Variants in RHBDL2 observed in about 807,000 individuals in gnomAD.
The protein encoded by RHBDL2 is rhomboid like 2, also known as rhomboid-related protein 2.
Under a neutral mutation model 31.7 loss-of-function variants are expected in RHBDL2, and 26 were observed. The ratio of observed to expected loss-of-function variants is 0.82; its 90% CI spans 0.60 to 1.14. RHBDL2 has a LOEUF of 1.14. Ranked by LOEUF, RHBDL2 falls within the 50% of genes most tolerant of loss-of-function variation. The pLI, the probability that RHBDL2 is intolerant of heterozygous loss-of-function variation, is 0.00. For synonymous variants in RHBDL2, 123 were observed against 127.2 expected (o/e 0.97, Z 0.22); for missense variants, 336 against 364.4 (o/e 0.92, Z 0.63).
intron 1 of RHBDL2, chr1:38,926,068 G>A: frequency 8.0e-7 from 1 of 1,243,426 alleles, no homozygotes; most frequent in Non-Finnish European, 1.0e-6. Flanking sequence ...CTCCTGGTGG[G>A]CAGCAGGAAA....
chr1:38,886,278 T>A lies in RHBDL2; in HGVS notation c.*226A>T, dbSNP rs1313057926. Reference sequence around the variant, plus strand: ...CCCCAATCTCTAGTTTTTACTACCCTTCTTTTCTCTCTTCTTCTTCCCTTT... The same window carrying A: ...CCCCAATCTCTAGTTTTTACTACCCATCTTTTCTCTCTTCTTCTTCCCTTT... On this transcript the variant is annotated 3_prime_UTR_variant, in exon 8 of 8. Transcript: ENST00000372990. 1 of 309,352 alleles carries A rather than the reference T, an allele frequency of 3.2e-6. No individual in the cohort carries two copies. Among genetic ancestry groups the A allele is most frequent in the Non-Finnish European group, 5.9e-6 (1 of 170,042 alleles). 19.2% of individuals were successfully genotyped at this position (309,352 alleles called of 1,614,324 possible).
chr1:38,910,474 G>A (rs1327976220), intron 4 of RHBDL2, among the ~76,000 whole-genome samples: 1 of 152,156 alleles, frequency 6.6e-6, no homozygotes, highest in African/African-American at 2.4e-5. Context: ...ATGGATGGAT[G>A]GGAGTTCTAA....
Position 38,934,222 on chromosome 1 carries a change from C to T in RHBDL2, c.-126+7460G>A, listed in dbSNP as rs1643467583. ...AATTAGCCAGGCGTTATGGCGGGTG[C>T]CTGTAATCCCAGCTACTCAGGGGGC... is the stretch of plus-strand genomic sequence containing the variant. On this transcript the variant is annotated intron_variant, in intron 1 of 7. Transcript: ENST00000372990. Among the ~76,000 whole-genome samples the T allele has an allele frequency of 1.3e-5, 2 of 151,690 alleles. 1 individual carries two copies. Among genetic ancestry groups the T allele is most frequent in the South Asian group, 4.2e-4 (2 of 4,794 alleles).
At chr1:38,889,318 T>C (rs1642826891) in intron 6 of RHBDL2, among the ~76,000 whole-genome samples, 1 of 152,120 alleles carries the variant, frequency 6.6e-6, no homozygotes, top group Non-Finnish European at 1.5e-5. Context: ...GGTCTCCAAC[T>C]CTCGAACTCC....
chr1:38,935,150 G>A (rs1643482983), intron 1 of RHBDL2, among the ~76,000 whole-genome samples: 3 of 152,148 alleles, frequency 2.0e-5, no homozygotes, highest in South Asian at 2.1e-4. Flanking sequence ...TTCAGTTTAT[G>A]GAAAATGTCT....
chr1:38,907,745 G>A lies in RHBDL2; in HGVS notation c.508+3577C>T, dbSNP rs188933099. Among the ~76,000 whole-genome samples, 437 of 152,164 alleles carry A rather than the reference G, an allele frequency of 2.9e-3. 1 individual carries two copies. The highest frequency in any genetic ancestry group is 4.9e-3 in the Non-Finnish European group (331 of 67,996). ...ACCAAGTGAGACCCTGTCTCTAAAA[G>A]TGAACAAACAAATAAATGTAAAGCA... On this transcript the variant is annotated intron_variant, in intron 4 of 7. Transcript: ENST00000372990.
chr1:38,919,334 T>C lies in RHBDL2; in HGVS notation c.-122A>G. ...GGCGCAACGACTGCTTTCCAAGGCC[T>C]TTCCTGTATGTGAAGAGAAGACAGC... On this transcript the variant is annotated 5_prime_UTR_variant, in exon 2 of 8. Coordinates refer to ENST00000372990, the MANE Select transcript of RHBDL2 (RefSeq NM_017821.5). 6.3e-7 allele frequency: 1 copy of C among 1,591,430 alleles called. No individual in the cohort carries two copies. The highest frequency in any genetic ancestry group is 8.5e-7 in the Non-Finnish European group (1 of 1,172,032).
chr1:38,934,615 C>G (rs1229942053), intron 1 of RHBDL2, among the ~76,000 whole-genome samples: 2 of 140,834 alleles, frequency 1.4e-5, no homozygotes, highest in South Asian at 4.6e-4. Flanking sequence ...ATGCAGAGAT[C>G]GCGCCACTGC....
intron 1 of RHBDL2, among the ~76,000 whole-genome samples, chr1:38,936,313 T>C (rs1461857918): frequency 6.6e-6 from 1 of 152,090 alleles, no homozygotes; most frequent in African/African-American, 2.4e-5. Context: ...TTGTTGGTTT[T>C]TGGGGGTTTT....
rs199730833 is a variant in RHBDL2, at chr1:38,900,758, A to G, written c.509-4689T>C. 2.0e-5 allele frequency among the ~76,000 whole-genome samples: 3 copies of G among 152,046 alleles called. No homozygotes were observed. In the East Asian group the frequency reaches 5.8e-4, roughly 30 times the overall value. On this transcript the variant is annotated intron_variant, in intron 4 of 7. Transcript: ENST00000372990. ...ATAAGTAAATAAAAATAAAAAATAAAAAGCATTGGCCGGGCAAAGTGGCTC... is the reference window on the plus strand; with the variant it reads ...ATAAGTAAATAAAAATAAAAAATAAGAAGCATTGGCCGGGCAAAGTGGCTC...
chr1:38,907,683 TA>T (rs1570923848), intron 4 of RHBDL2, among the ~76,000 whole-genome samples: 2 of 152,298 alleles, frequency 1.3e-5, no homozygotes, highest in East Asian at 3.9e-4. Flanking sequence ...CAGGCTGCAG[TA>T]AGCTATGATT....
In RHBDL2 at chr1:38,887,991, C is replaced by A; in HGVS notation, c.704G>T (p.Arg235Met). 6.2e-7 allele frequency: 1 copy of A among 1,612,734 alleles called. No individual in the cohort carries two copies. The highest frequency in any genetic ancestry group is 1.1e-5 in the South Asian group (1 of 90,982). The change falls in exon 7 of 8, where the codon AGG becomes ATG. Residue 235 changes from arginine to methionine, a missense_variant. Coordinates refer to ENST00000372990, the MANE Select transcript of RHBDL2 (RefSeq NM_017821.5). ...VLDMGFALYR[R>M]FFVPEDGSPV... ...AGACCCATCTTCAGGAACAAAGAAC[C>A]TTCTATAGAGAGCAAATCCCATGTC...
intron 5 of RHBDL2, among the ~76,000 whole-genome samples, chr1:38,894,146 C>A (rs1397871392): frequency 6.6e-6 from 1 of 152,092 alleles, no homozygotes; most frequent in Admixed American, 6.6e-5. Context: ...ATAAATCAAA[C>A]AATAACACTG....
Position 38,891,260 on chromosome 1 carries a change from CAAAAAAAAAAA to C in RHBDL2, c.670+1893_670+1903del, listed in dbSNP as rs11445131. Among the ~76,000 whole-genome samples, 15 of 79,292 alleles carry C rather than the reference CAAAAAAAAAAA, an allele frequency of 1.9e-4. No individual in the cohort carries two copies. In the Admixed American group the frequency reaches 2.3e-3, roughly 12 times the overall value. The allele number at this position is 79,292 out of a possible 152,430, so 52.0% of individuals were successfully genotyped here. ...TGGGCAACAGAGCGAGACTCCGTCT[CAAAAAAAAAAA>C]AAAAAAAAAAGAAGAATATTTACAA... On this transcript the variant is annotated intron_variant, in intron 6 of 7. Transcript: ENST00000372990.
rs187113984 is a variant in RHBDL2, at chr1:38,914,164, C to T, written c.395+1398G>A. On this transcript the variant is annotated intron_variant, in intron 3 of 7. Coordinates refer to ENST00000372990, the MANE Select transcript of RHBDL2 (RefSeq NM_017821.5). The stretch of plus-strand genomic sequence containing the variant: ...ACTGTAGGCAAAACTAAATGGCGGG[C>T]ACTGCATCTCCTATTACCAGTATTA... Among the ~76,000 whole-genome samples the T allele has an allele frequency of 4.1e-3, 630 of 151,856 alleles. 3 individuals carry two copies. The highest frequency in any genetic ancestry group is 6.2e-3 in the Non-Finnish European group (423 of 67,930).
At chr1:38,888,669 T>C (rs757906743) in intron 6 of RHBDL2, among the ~76,000 whole-genome samples, 1 of 152,022 alleles carries the variant, frequency 6.6e-6, no homozygotes, top group Non-Finnish European at 1.5e-5. Context: ...GGATCAGTAG[T>C]TTTCAAAGTG....
intron 1 of RHBDL2, among the ~76,000 whole-genome samples, chr1:38,921,516 T>C (rs2124342102): frequency 6.6e-6 from 1 of 152,322 alleles, no homozygotes; most frequent in Non-Finnish European, 1.5e-5. Flanking sequence ...GCCTGGCGCC[T>C]GTTTTCACAC....
Position 38,889,573 on chromosome 1 carries a change from A to C in RHBDL2, c.671-1549T>G, listed in dbSNP as rs56281057. Among the ~76,000 whole-genome samples, 1,169 of 152,272 alleles carry C rather than the reference A, an allele frequency of 7.7e-3. 22 individuals are homozygous for C. Among genetic ancestry groups the C allele is most frequent in the African/African-American group, 0.027 (1,134 of 41,556 alleles). On this transcript the variant is annotated intron_variant, in intron 6 of 7. Transcript: ENST00000372990. The stretch of plus-strand genomic sequence containing the variant: ...CCAAGACTCCACTCTCAGCCACCAC[A>C]CTAATTGCCTGTAATTACCATCGGG...
rs1047856019 is a variant in RHBDL2, at chr1:38,919,763, A to T, written c.-125-426T>A. Among the ~76,000 whole-genome samples the T allele has an allele frequency of 2.0e-5, 3 of 152,132 alleles. 1 individual carries two copies. Among genetic ancestry groups the T allele is most frequent in the Middle Eastern group, 3.4e-3 (1 of 294 alleles). On this transcript the variant is annotated intron_variant, in intron 1 of 7. Coordinates refer to ENST00000372990, the MANE Select transcript of RHBDL2 (RefSeq NM_017821.5). ...TAATTTTTGTATTTTTAGTAGAGAC[A>T]GGGTTTCACCATGTTGGCCAGGCTG...
Sources: allele counts gnomAD v4.1 joint callset (sites outside exome capture counted in the v4.1 genomes callset), GRCh38; gene constraint gnomAD v4.1.1; transcripts MANE v1.5; gene names NCBI Gene and HGNC (gene_info 2026-07-23, HGNC 2026-07-21).